VPS41: variants seen among roughly 807,000 people sequenced by gnomAD.
VPS41 encodes VPS41 subunit of HOPS complex.
In VPS41, 85 loss-of-function variants were observed where a neutral mutation model predicts 130.9. The observed-to-expected ratio is 0.65, with a 90% CI of 0.55 to 0.78. The LOEUF is 0.78. Among genes scored for constraint, VPS41 ranks in the 30% least tolerant of loss-of-function variants. The pLI, the probability that VPS41 is intolerant of heterozygous loss-of-function variation, is 0.00. For missense variants in VPS41, 874 were observed against 1,018.7 expected (o/e 0.86, Z 1.93); for synonymous variants, 335 against 332.9 (o/e 1.01, Z -0.07).
chr7:38,816,877 C>T (rs1350479702), intron 7 of VPS41, among the ~76,000 whole-genome samples: 1 of 152,042 alleles, frequency 6.6e-6, no homozygotes, highest in Non-Finnish European at 1.5e-5. Context: ...TCTTCAATAG[C>T]TAGGACTAGA....
rs564591760 is a variant in VPS41, at chr7:38,883,664, A to T, written c.61-14411T>A. Among the ~76,000 whole-genome samples, 11 of 19,672 alleles carry T rather than the reference A, an allele frequency of 5.6e-4. No homozygotes were observed. In the South Asian group the frequency reaches 9.3e-3, roughly 17 times the overall value. 12.9% of individuals were successfully genotyped at this position (19,672 alleles called of 152,430 possible). ...AATAAATATTTTTTGAATGAATAAA[A>T]TGATCAACCAATCTTGGACTGCCTA... is the stretch of plus-strand genomic sequence containing the variant. On this transcript the variant is annotated intron_variant, in intron 2 of 28. Coordinates refer to ENST00000310301, the MANE Select transcript of VPS41 (RefSeq NM_014396.4).
intron 4 of VPS41, among the ~76,000 whole-genome samples, chr7:38,859,694 C>A (rs889071520): frequency 1.3e-5 from 2 of 152,130 alleles, no homozygotes; most frequent in Non-Finnish European, 2.9e-5. Flanking sequence ...GATGTCTGCA[C>A]AATGACAAAA....
chr7:38,758,508 G>C lies in VPS41; in HGVS notation c.1423-27C>G, dbSNP rs758541726. ...TAACCAAAGGTGAAAAACAGAAAAA[G>C]AACACTCATTCAACAGAATAATAGT... is the stretch of plus-strand genomic sequence containing the variant. On this transcript the variant is annotated intron_variant, in intron 17 of 28. Transcript: ENST00000310301. 3.1e-6 allele frequency: 5 copies of C among 1,597,164 alleles called. No homozygotes were observed. In the East Asian group the frequency reaches 1.1e-4, roughly 36 times the overall value.
intron 7 of VPS41, among the ~76,000 whole-genome samples, chr7:38,815,812 A>C (rs1343289520): frequency 6.6e-6 from 1 of 152,058 alleles, no homozygotes; most frequent in African/African-American, 2.4e-5. Flanking sequence ...ATCAGACTCC[A>C]AGTTCTTCAG....
intron 17 of VPS41, among the ~76,000 whole-genome samples, chr7:38,759,629 G>A (rs10277549): frequency 0.21 from 32,403 of 152,046 alleles, 4,443 homozygotes; most frequent in Non-Finnish European, 0.31. Context: ...TTAGTTTTAC[G>A]AAATGTACAA....
intron 19 of VPS41, 38 bp from the exon 20 acceptor site, chr7:38,754,974 G>C (rs368380954): frequency 6.3e-7 from 1 of 1,599,770 alleles, no homozygotes; most frequent in East Asian, 2.2e-5. Context: ...AATGAAATCC[G>C]TTATTTAAGA....
At chr7:38,901,199 A>C (rs1787131994) in intron 1 of VPS41, among the ~76,000 whole-genome samples, 1 of 152,216 alleles carries the variant, frequency 6.6e-6, no homozygotes, top group South Asian at 2.1e-4. Context: ...CCAAAGGCAG[A>C]GGGAGGATGT....
intron 7 of VPS41, among the ~76,000 whole-genome samples, chr7:38,797,622 G>T (rs774409629): frequency 1.5e-4 from 23 of 151,896 alleles, no homozygotes; most frequent in Non-Finnish European, 4.4e-5. Context: ...CTTAAGGCAT[G>T]CAATCCTGAA....
At chr7:38,820,471 T>G (rs1785149355) in intron 6 of VPS41, among the ~76,000 whole-genome samples, 1 of 152,224 alleles carries the variant, frequency 6.6e-6, no homozygotes, top group African/African-American at 2.4e-5. Context: ...TATCTAAAAC[T>G]AGTCCTCTTG....
intron 11 of VPS41, chr7:38,775,779 A>C (rs1784247431): frequency 6.6e-6 from 1 of 151,972 alleles, no homozygotes. Context: ...ACCACTTCAA[A>C]ACCAGGGCTC....
chr7:38,814,511 A>C (rs987900007), intron 7 of VPS41, among the ~76,000 whole-genome samples: 1 of 152,050 alleles, frequency 6.6e-6, no homozygotes, highest in African/African-American at 2.4e-5. Context: ...TTAGCCAGGC[A>C]TGGTGGCAGG....
chr7:38,779,937 C>T (rs1391901416), intron 10 of VPS41, among the ~76,000 whole-genome samples: 1 of 152,026 alleles, frequency 6.6e-6, no homozygotes, highest in African/African-American at 2.4e-5. Flanking sequence ...AGTTTATTTA[C>T]TTTCACTAAA....
chr7:38,732,024 C>A (rs1795673159), intron 25 of VPS41, among the ~76,000 whole-genome samples: 1 of 152,048 alleles, frequency 6.6e-6, no homozygotes, highest in Admixed American at 6.5e-5. Context: ...TAGATCTGGT[C>A]AACAAGATAA....
chr7:38,891,682 A>T (rs902901942), intron 2 of VPS41, among the ~76,000 whole-genome samples: 9 of 152,242 alleles, frequency 5.9e-5, no homozygotes, highest in Non-Finnish European at 1.0e-4. Context: ...AGCTTTTTAA[A>T]TTATAAAGAT....
chr7:38,881,763 A>G (rs1415299206), intron 2 of VPS41, among the ~76,000 whole-genome samples: 1 of 152,066 alleles, frequency 6.6e-6, no homozygotes, highest in East Asian at 1.9e-4. Context: ...CCATCTCCAA[A>G]ATGAGGACAC....
intron 7 of VPS41, chr7:38,797,079 T>C (rs943316169): frequency 3.0e-5 from 15 of 502,338 alleles, no homozygotes; most frequent in Non-Finnish European, 4.1e-5. Flanking sequence ...TGGATGAGTG[T>C]TGAAGTTACT....
intron 2 of VPS41, among the ~76,000 whole-genome samples, chr7:38,876,255 T>C (rs908292298): frequency 1.3e-5 from 2 of 152,204 alleles, no homozygotes; most frequent in African/African-American, 4.8e-5. Context: ...TTTCACAAGA[T>C]AAAATATTAC....
intron 19 of VPS41, 83 bp from the exon 20 acceptor site, chr7:38,755,019 C>CCTGTGAACTGTGGTAGGT: frequency 7.6e-7 from 1 of 1,311,344 alleles, no homozygotes; most frequent in Non-Finnish European, 1.1e-6. Flanking sequence ...GTACCTACCA[C>CCTGTGAACTGTGGTAGGT]AGTTCACAGG....
chr7:38,793,636 GT>G (rs1784572980), intron 9 of VPS41, among the ~76,000 whole-genome samples: 3 of 152,142 alleles, frequency 2.0e-5, no homozygotes, highest in Non-Finnish European at 4.4e-5. Context: ...ATCTGTTACA[GT>G]TCCGCAGGCT....
Sources: allele counts gnomAD v4.1 joint callset (sites outside exome capture counted in the v4.1 genomes callset), GRCh38; gene constraint gnomAD v4.1.1; transcripts MANE v1.5; gene names NCBI Gene and HGNC (gene_info 2026-07-23, HGNC 2026-07-21).